Variants in SPTBN1 observed in about 807,000 individuals in gnomAD.
SPTBN1 encodes spectrin beta chain, non-erythrocytic 1.
Under a neutral mutation model 266.4 loss-of-function variants are expected in SPTBN1, and 32 were observed. The observed-to-expected ratio is 0.12, with a 90% CI of 0.09 to 0.16. SPTBN1 has a LOEUF of 0.16. SPTBN1 is among the 10% of genes least tolerant of loss of function. The pLI is 1.00. For synonymous variants in SPTBN1, 1,336 were observed against 1,162.2 expected, an observed-to-expected ratio of 1.15 and a Z score of -3.04; for missense variants, 2,296 against 3,067.1, an observed-to-expected ratio of 0.75 and a Z score of 5.94.
chr2:54,639,376 A>G (rs909319376), intron 18 of SPTBN1, among the ~76,000 whole-genome samples: 2 of 152,144 alleles, frequency 1.3e-5, no homozygotes, highest in Non-Finnish European at 2.9e-5. Context: ...ACTCCCTGTA[A>G]CCTCAGCCCA....
In SPTBN1 at chr2:54,645,227, A is replaced by G. The variant is rs1381460542; in HGVS notation, c.4270-2A>G. The G allele has an allele frequency of 6.2e-7, 1 of 1,614,124 alleles. No homozygotes were observed. Among genetic ancestry groups the G allele is most frequent in the East Asian group, 2.2e-5 (1 of 44,882 alleles). On this transcript the variant is annotated splice_acceptor_variant, in intron 20 of 35. Transcript: ENST00000356805. LOFTEE classifies it high-confidence loss of function. The surrounding 1 kb of genome is among the most constrained non-coding windows in gnomAD (Gnocchi z 4.3). Reference sequence around the variant, plus strand: ...GCGCTGAGGCTGCTTCTCTGCCCTCAGATGCTGGAGAATCAGATGGAAGTG... The same window carrying G: ...GCGCTGAGGCTGCTTCTCTGCCCTCGGATGCTGGAGAATCAGATGGAAGTG...
chr2:54,620,420 G>A (rs1677917182), intron 7 of SPTBN1, among the ~76,000 whole-genome samples: 1 of 152,170 alleles, frequency 6.6e-6, no homozygotes, highest in South Asian at 2.1e-4. Context: ...TCAGACAAAG[G>A]GAAGTCATAA....
At chr2:54,510,622 T>G (rs1034003827) in intron 1 of SPTBN1, among the ~76,000 whole-genome samples, 2 of 152,268 alleles carry the variant, frequency 1.3e-5, no homozygotes, top group Admixed American at 6.5e-5. Flanking sequence ...AAAAACAAAG[T>G]GCATATTATG....
chr2:54,471,182 G>A (rs777179950), intron 1 of SPTBN1, among the ~76,000 whole-genome samples: 15 of 152,154 alleles, frequency 9.9e-5, no homozygotes, highest in Non-Finnish European at 2.1e-4. Flanking sequence ...CTAGGAGTTT[G>A]AGACCAGCTT....
intron 1 of SPTBN1, among the ~76,000 whole-genome samples, chr2:54,500,370 C>T (rs1266119486): frequency 1.3e-5 from 2 of 151,820 alleles, no homozygotes; most frequent in African/African-American, 2.4e-5. Flanking sequence ...GGAGATGTCC[C>T]TTTCTTTGAG....
chr2:54,556,525 A>G (rs181175290), intron 2 of SPTBN1, among the ~76,000 whole-genome samples: 3 of 152,346 alleles, frequency 2.0e-5, no homozygotes, highest in Middle Eastern at 3.4e-3. Flanking sequence ...TAAGTTGGCA[A>G]AGCACTTTGT....
In SPTBN1 at chr2:54,668,457, C is replaced by A. The variant is rs200093475; in HGVS notation, c.6983C>A (p.Thr2328Asn). Residue 2328 changes from threonine to asparagine, a missense_variant, in exon 36 of 36, where the codon ACC becomes AAC. Physicochemically the swap from Thr to Asn is moderately conservative, Grantham distance 65. Around this residue, in one of 12 missense-constraint regions of SPTBN1, gnomAD observed 347 missense variants for 368.5 expected, o/e 0.94. Coordinates refer to ENST00000356805, the MANE Select transcript of SPTBN1 (RefSeq NM_003128.3). Reference protein sequence around the residue: ...QSTPASSRAQTLPTSVVTITS... With the variant: ...QSTPASSRAQNLPTSVVTITS... ...ACGCCAGCATCCAGCCGCGCGCAGA[C>A]CCTCCCCACCAGCGTCGTCACCATC... 2.1e-5 allele frequency: 34 copies of A among 1,614,096 alleles called. No homozygotes were observed. In the Middle Eastern group the frequency reaches 8.2e-4, roughly 39 times the overall value.
chr2:54,650,914 A>G (rs1371961022), intron 26 of SPTBN1, among the ~76,000 whole-genome samples: 6 of 152,060 alleles, frequency 3.9e-5, no homozygotes. Flanking sequence ...ATACTTTGGG[A>G]TTTGTTCTAT....
chr2:54,649,547 A>G lies in SPTBN1; in HGVS notation c.5203-68A>G, dbSNP rs2104100957. 6.4e-7 allele frequency: 1 copy of G among 1,560,112 alleles called. No individual in the cohort carries two copies. Among genetic ancestry groups the G allele is most frequent in the East Asian group, 2.3e-5 (1 of 44,186 alleles). On this transcript the variant is annotated intron_variant, in intron 25 of 35. Coordinates refer to ENST00000356805, the MANE Select transcript of SPTBN1 (RefSeq NM_003128.3). The surrounding 1 kb of genome is among the most constrained non-coding windows in gnomAD (Gnocchi z 6.7). ...TAGAGGCAGTTTCTTTCCAAAGGGT[A>G]TTCATGTGATCAAGAAATACAGAGT...
intron 3 of SPTBN1, among the ~76,000 whole-genome samples, chr2:54,604,937 T>A (rs2103737308): frequency 6.6e-6 from 1 of 152,310 alleles, no homozygotes; most frequent in Non-Finnish European, 1.5e-5. Context: ...GTATCGACCC[T>A]TGGCCCCACG....
At chr2:54,549,237 C>T (rs1230515657) in intron 2 of SPTBN1, among the ~76,000 whole-genome samples, 1 of 146,826 alleles carries the variant, frequency 6.8e-6, no homozygotes, top group Non-Finnish European at 1.5e-5. Context: ...TGCAGTGAGC[C>T]GAGATTGTGC....
intron 1 of SPTBN1, among the ~76,000 whole-genome samples, chr2:54,461,494 A>G (rs1693368089): frequency 6.6e-6 from 1 of 152,236 alleles, no homozygotes; most frequent in South Asian, 2.1e-4. Flanking sequence ...CTCACAGGGC[A>G]TATGCATCAT....
intron 1 of SPTBN1, among the ~76,000 whole-genome samples, chr2:54,465,639 CATATATATATATATATATAT>C (rs70944167): frequency 1.6e-4 from 19 of 116,358 alleles, no homozygotes; most frequent in African/African-American, 5.3e-4. Flanking sequence ...ATGTTTATCT[CATATATATATATATATATAT>C]ATATATATAT....
intron 1 of SPTBN1, among the ~76,000 whole-genome samples, chr2:54,475,385 T>G (rs903587971): frequency 6.6e-6 from 1 of 152,180 alleles, no homozygotes; most frequent in Admixed American, 6.5e-5. Flanking sequence ...TAAACCACAT[T>G]ATCTATGCTG....
intron 2 of SPTBN1, chr2:54,557,933 C>G (rs1672986603): frequency 1.0e-6 from 1 of 985,302 alleles, no homozygotes; most frequent in African/African-American, 1.7e-5. Context: ...CGCCAGCGCA[C>G]TGGGGCAGTC....
chr2:54,594,780 T>C (rs1356277181), intron 2 of SPTBN1, among the ~76,000 whole-genome samples: 2 of 151,910 alleles, frequency 1.3e-5, no homozygotes, highest in East Asian at 3.9e-4. Context: ...ACATAACTTC[T>C]AAATCTTGTT....
chr2:54,655,655 C>A (rs748075716), intron 28 of SPTBN1, among the ~76,000 whole-genome samples: 4 of 152,236 alleles, frequency 2.6e-5, no homozygotes, highest in Non-Finnish European at 5.9e-5. Context: ...CTCTCCTGAA[C>A]GTGTTTGCCG....
At chr2:54,619,537 G>T (rs1677856783) in intron 7 of SPTBN1, among the ~76,000 whole-genome samples, 2 of 152,182 alleles carry the variant, frequency 1.3e-5, no homozygotes, top group Admixed American at 1.3e-4. Flanking sequence ...GCTAAAAATG[G>T]CAGCTGATTT....
Position 54,558,807 on chromosome 2 carries a change from C to G in SPTBN1, c.148+32241C>G. The stretch of plus-strand genomic sequence containing the variant: ...GAATTGCAGAGGACGTCTAGTATCT[C>G]CGGGCCGCTGTCGCCGGCGTACACG... On this transcript the variant is annotated intron_variant, in intron 2 of 35. Transcript: ENST00000356805. This position sits in a 1 kb window ranked among gnomAD's most constrained non-coding sequence, Gnocchi z 4.6. 6.2e-7 allele frequency: 1 copy of G among 1,613,864 alleles called. No individual in the cohort carries two copies. Among genetic ancestry groups the G allele is most frequent in the Non-Finnish European group, 8.5e-7 (1 of 1,179,838 alleles).
Sources: allele counts gnomAD v4.1 joint callset (sites outside exome capture counted in the v4.1 genomes callset), GRCh38; gene constraint gnomAD v4.1.1; regional missense constraint gnomAD v4.1.1; non-coding constraint Gnocchi (gnomAD v3.1); transcripts MANE v1.5; gene names NCBI Gene and HGNC (gene_info 2026-07-23, HGNC 2026-07-21).